EED: variants seen among roughly 807,000 people sequenced by gnomAD.
EED encodes the protein polycomb protein EED.
In EED, 9 loss-of-function variants were observed where a neutral mutation model predicts 61.0. The observed-to-expected ratio is 0.15, with a 90% confidence interval of 0.09 to 0.26. The LOEUF is 0.26. Ranked by LOEUF, EED falls within the 10% of genes least tolerant of loss-of-function variation. EED has a pLI of 1.00. For synonymous variants in EED, 187 were observed against 174.4 expected (o/e 1.07, Z -0.57); for missense variants, 315 against 542.3 (o/e 0.58, Z 4.16).
chr11:86,265,342 G>C (rs923426373), intron 7 of EED: 3 of 152,182 alleles, frequency 2.0e-5, no homozygotes, highest in African/African-American at 7.2e-5. Context: ...TTCTTAGAAT[G>C]AGAGCAGGAG....
At chr11:86,281,152 A>G (rs1256601345), downstream of EED, among the ~76,000 whole-genome samples, 1 of 152,214 alleles carries the variant, frequency 6.6e-6, no homozygotes, top group African/African-American at 2.4e-5. Flanking sequence ...CTTTGGTATC[A>G]GGCTAATACT....
intron 6 of EED, 44 bp from the exon 7 acceptor site, chr11:86,264,128 A>G: frequency 2.7e-6 from 4 of 1,467,132 alleles, no homozygotes; most frequent in Non-Finnish European, 3.8e-6. Flanking sequence ...GAAAGTTCAC[A>G]GTAAATAAAA....
chr11:86,270,152 C>T, intron 9 of EED: 1 of 700,782 alleles, frequency 1.4e-6, no homozygotes, highest in Non-Finnish European at 2.6e-6. Context: ...TCTTCGCCAG[C>T]ATTTGGTATT....
intron 10 of EED, 175 bp from the exon 11 acceptor site, chr11:86,277,743 A>T: frequency 4.6e-6 from 2 of 431,152 alleles, no homozygotes; most frequent in Non-Finnish European, 7.7e-6. Flanking sequence ...GTGATGTATT[A>T]ATTGCTCTTA....
rs1362025654 is a variant in EED, at chr11:86,245,073, G to T, written c.-157G>T. On this transcript the variant is annotated 5_prime_UTR_variant, in exon 1 of 12. Transcript: ENST00000263360. ...GTGTGGCGGGGTCGCACGCACGCCC[G>T]CCTCGGCGGCTGGGCGCGATTTGCG... 2.7e-5 allele frequency: 15 copies of T among 565,602 alleles called. No individual in the cohort carries two copies. Among genetic ancestry groups the T allele is most frequent in the Non-Finnish European group, 4.2e-5 (14 of 330,106 alleles). The allele number at this position is 565,602 out of a possible 1,614,324, so 35.0% of individuals were successfully genotyped here.
chr11:86,245,204 A>C lies in EED; in HGVS notation c.-26A>C, dbSNP rs774895107. 2.5e-6 allele frequency: 4 copies of C among 1,588,402 alleles called. No homozygotes were observed. The highest frequency in any genetic ancestry group is 4.6e-5 in the East Asian group (2 of 43,384). On this transcript the variant is annotated 5_prime_UTR_variant, in exon 1 of 12. Transcript: ENST00000263360. ...TGGCGGAGGCCCCGCCCCAGGCGGC[A>C]GGAACCTGGAGGGAGGCGGAGGAAT...
At position 86,250,388 on chromosome 11, in the gene EED, A is replaced by C. The variant is rs1466545276; in HGVS notation, c.207A>C (p.Gly69=). The change falls in exon 2 of 12, where the codon GGA becomes GGC. Residue 69 remains glycine (G), a synonymous_variant. Coordinates refer to ENST00000263360, the MANE Select transcript of EED (RefSeq NM_003797.5). ...TPNAPGRKSW[G]KGKWKSKKCK... ...ATGCACCTGGAAGGAAAAGTTGGGG[A>C]AAGGGAAAATGGAAGTCAAAGAAAT... is the stretch of plus-strand genomic sequence containing the variant. 1 of 1,608,930 alleles carries C rather than the reference A, an allele frequency of 6.2e-7. No homozygotes were observed. The highest frequency in any genetic ancestry group is 2.3e-5 in the East Asian group (1 of 44,282).
chr11:86,266,299 G>T, intron 8 of EED, 83 bp downstream of exon 8: 1 of 1,254,136 alleles, frequency 8.0e-7, no homozygotes, highest in Non-Finnish European at 1.1e-6. Context: ...TGCTATATAA[G>T]CCCCAACAAT....
At chr11:86,248,116 A>G (rs944372273) in intron 1 of EED, among the ~76,000 whole-genome samples, 14 of 152,240 alleles carry the variant, frequency 9.2e-5, no homozygotes, top group African/African-American at 3.4e-4. Context: ...CTCGTTGGGC[A>G]AGTGAAGATG....
At chr11:86,266,456 T>C (rs1419010659) in intron 8 of EED, among the ~76,000 whole-genome samples, 1 of 152,126 alleles carries the variant, frequency 6.6e-6, no homozygotes, top group African/African-American at 2.4e-5. Flanking sequence ...TAGTAGCACA[T>C]TTTACTTATT....
intron 1 of EED, 50 bp downstream of exon 1, chr11:86,245,393 T>G: frequency 7.1e-7 from 1 of 1,408,144 alleles, no homozygotes; most frequent in Non-Finnish European, 9.7e-7. Context: ...AAGTTTTAAA[T>G]TCTTTTAAAA....
At chr11:86,260,682 G>A (rs1294509176) in intron 6 of EED, among the ~76,000 whole-genome samples, 1 of 152,154 alleles carries the variant, frequency 6.6e-6, no homozygotes, top group African/African-American at 2.4e-5. Context: ...ATTTTTTAAT[G>A]TGAGTATGGT....
intron 1 of EED, 90 bp downstream of exon 1, chr11:86,245,433 T>A: frequency 6.7e-6 from 5 of 751,742 alleles, no homozygotes; most frequent in Non-Finnish European, 8.0e-6. Context: ...CGGGCTGCTG[T>A]GGGGGGAGGG....
intron 7 of EED, chr11:86,264,836 A>G (rs901523877): frequency 4.6e-5 from 7 of 152,080 alleles, no homozygotes; most frequent in Non-Finnish European, 1.0e-4. Context: ...TTTTAACATT[A>G]TTTTTGCTTA....
intron 9 of EED, among the ~76,000 whole-genome samples, chr11:86,268,973 C>A (rs894989824): frequency 2.6e-5 from 4 of 152,012 alleles, no homozygotes; most frequent in Admixed American, 6.6e-5. Context: ...AGTTTGCCAA[C>A]CCCTGCCCCT....
intron 9 of EED, among the ~76,000 whole-genome samples, chr11:86,272,266 G>A (rs1166671782): frequency 6.6e-6 from 1 of 150,514 alleles, no homozygotes; most frequent in Non-Finnish European, 1.5e-5. Context: ...CACTGTGTTA[G>A]CCAGGATGGT....
At chr11:86,254,868 G>A (rs1945630507) in intron 3 of EED, among the ~76,000 whole-genome samples, 1 of 152,186 alleles carries the variant, frequency 6.6e-6, no homozygotes, top group Non-Finnish European at 1.5e-5. Flanking sequence ...TGATCCGCAT[G>A]CCTTGGCCTC....
chr11:86,281,713 T>TATA (rs1199230681), downstream of EED, among the ~76,000 whole-genome samples: 1 of 152,202 alleles, frequency 6.6e-6, no homozygotes, highest in Non-Finnish European at 1.5e-5. Context: ...TATTCGCAGG[T>TATA]GCAGTTATAG....
In EED at chr11:86,268,654, A is replaced by G. The variant is rs538751069; in HGVS notation, c.966+93A>G. The G allele has an allele frequency of 6.5e-6, 5 of 770,006 alleles. No homozygotes were observed. The South Asian group carries it at 8.6e-5, about 13-fold the overall frequency. 47.7% of individuals were successfully genotyped at this position (770,006 alleles called of 1,614,324 possible). A position where few individuals can be genotyped will look rare whatever the true frequency, so the allele number is the denominator to read the frequency against. The stretch of plus-strand genomic sequence containing the variant: ...GTGTGTGCGCATGTTGGAACTTGGC[A>G]GGGAGCACTTTATGTAGTTTATTAA... On this transcript the variant is annotated intron_variant, in intron 9 of 11. Transcript: ENST00000263360.
Sources: gnomAD v4.1 joint callset for allele counts (sites outside exome capture counted in the v4.1 genomes callset) on GRCh38, gnomAD v4.1.1 for gene constraint, MANE v1.5 for transcripts, NCBI Gene and HGNC (gene_info 2026-07-23, HGNC 2026-07-21) for gene names.